MAGI2: variants seen among roughly 807,000 people sequenced by gnomAD.
MAGI2 encodes membrane-associated guanylate kinase, WW and PDZ domain-containing protein 2.
In MAGI2, 35 loss-of-function variants were observed where a neutral mutation model predicts 133.3. The observed-to-expected ratio is 0.26, with a 90% CI of 0.20 to 0.35. The LOEUF is 0.35. Ranked by LOEUF, MAGI2 falls within the 10% of genes least tolerant of loss-of-function variation. MAGI2 has a pLI of 1.00. For missense variants in MAGI2, 1,636 were observed against 1,863.4 expected (o/e 0.88, Z 2.25); for synonymous variants, 729 against 710.6 (o/e 1.03, Z -0.41).
At chr7:78,247,695 G>A (rs182242293) in intron 10 of MAGI2, among the ~76,000 whole-genome samples, 109 of 152,212 alleles carry the variant, frequency 7.2e-4, no homozygotes, top group African/African-American at 2.6e-3. Flanking sequence ...ACTAGATTAA[G>A]CAGAAGAAAG....
At chr7:78,210,369 T>C (rs1367503602) in intron 10 of MAGI2, among the ~76,000 whole-genome samples, 1 of 151,942 alleles carries the variant, frequency 6.6e-6, no homozygotes, top group African/African-American at 2.4e-5. Flanking sequence ...GTCCCGGAGA[T>C]TTGCTGGGGA....
chr7:79,097,982 C>T (rs1440009358), intron 1 of MAGI2, among the ~76,000 whole-genome samples: 2 of 152,072 alleles, frequency 1.3e-5, no homozygotes. Context: ...CTTAGCCGGA[C>T]ATGGTGGCAC....
At chr7:78,671,585 G>A (rs79188679) in intron 2 of MAGI2, among the ~76,000 whole-genome samples, 1,774 of 152,160 alleles carry the variant, frequency 0.012, 42 homozygotes, top group African/African-American at 0.04. Context: ...GTAAAGCAGG[G>A]AATGTATAAA....
intron 6 of MAGI2, among the ~76,000 whole-genome samples, chr7:78,373,922 C>A (rs1794187238): frequency 6.6e-6 from 1 of 152,148 alleles, no homozygotes; most frequent in African/African-American, 2.4e-5. Flanking sequence ...CTGCAAAGGA[C>A]ATGATTTTGT....
At chr7:78,155,302 G>A (rs1375899360) in intron 16 of MAGI2, among the ~76,000 whole-genome samples, 3 of 152,142 alleles carry the variant, frequency 2.0e-5, no homozygotes, top group South Asian at 2.1e-4. Flanking sequence ...ATGCTTCCCT[G>A]TTCTCACTGG....
intron 9 of MAGI2, among the ~76,000 whole-genome samples, chr7:78,336,178 C>A (rs960666031): frequency 1.3e-5 from 2 of 152,052 alleles, no homozygotes; most frequent in African/African-American, 4.8e-5. Context: ...ATTTACCATG[C>A]ACATGTACTG....
chr7:79,260,446 CAAT>C (rs1833999830), intron 1 of MAGI2, among the ~76,000 whole-genome samples: 1 of 152,108 alleles, frequency 6.6e-6, no homozygotes, highest in African/African-American at 2.4e-5. Context: ...ACTTTATCTT[CAAT>C]AATAAGTAGG....
At chr7:78,070,153 A>G in intron 21 of MAGI2, among the ~76,000 whole-genome samples, 2 of 126,226 alleles carry the variant, frequency 1.6e-5, no homozygotes, top group Non-Finnish European at 1.6e-5. Context: ...ATATATACAC[A>G]CATATATATA....
At chr7:78,459,773 C>G (rs1789762832) in intron 6 of MAGI2, among the ~76,000 whole-genome samples, 1 of 152,204 alleles carries the variant, frequency 6.6e-6, no homozygotes, top group African/African-American at 2.4e-5. Context: ...TCAGTGTCTT[C>G]AAATTCCTTA....
At chr7:78,742,671 C>G (rs1464020659) in intron 2 of MAGI2, among the ~76,000 whole-genome samples, 4 of 152,204 alleles carry the variant, frequency 2.6e-5, no homozygotes, top group African/African-American at 9.6e-5. Context: ...AATCCCCTAT[C>G]TCAAATGTTC....
chr7:78,423,655 A>T (rs567137932), intron 6 of MAGI2, among the ~76,000 whole-genome samples: 2 of 152,180 alleles, frequency 1.3e-5, no homozygotes, highest in Non-Finnish European at 2.9e-5. Flanking sequence ...AATGACAGGG[A>T]CAATAAGGTC....
chr7:78,885,170 G>C (rs77671102), intron 2 of MAGI2, among the ~76,000 whole-genome samples: 2,646 of 152,166 alleles, frequency 0.017, 76 homozygotes, highest in African/African-American at 0.061. Context: ...GCATAGGAGA[G>C]GGGAACAGGG....
chr7:78,036,860 C>G (rs1243090036), intron 21 of MAGI2, among the ~76,000 whole-genome samples: 1 of 152,232 alleles, frequency 6.6e-6, no homozygotes, highest in Non-Finnish European at 1.5e-5. Context: ...GCAATCCACC[C>G]TCTTTGGCCT....
At chr7:79,293,042 G>T (rs868770576) in intron 1 of MAGI2, among the ~76,000 whole-genome samples, 4 of 152,140 alleles carry the variant, frequency 2.6e-5, no homozygotes, top group African/African-American at 9.7e-5. Context: ...CTGTGGGTCA[G>T]TATGTACTAT....
intron 18 of MAGI2, among the ~76,000 whole-genome samples, chr7:78,130,081 G>A (rs920301978): frequency 2.6e-5 from 4 of 152,082 alleles, no homozygotes; most frequent in African/African-American, 9.7e-5. Context: ...GCTAGAGAAG[G>A]TGAACTCTGC....
intron 2 of MAGI2, among the ~76,000 whole-genome samples, chr7:78,860,569 G>C (rs534013712): frequency 6.6e-6 from 1 of 152,294 alleles, no homozygotes; most frequent in African/African-American, 2.4e-5. Context: ...AAATATTGCA[G>C]AACGGCAGAT....
At chr7:79,119,631 A>T (rs924091155) in intron 1 of MAGI2, among the ~76,000 whole-genome samples, 2 of 152,114 alleles carry the variant, frequency 1.3e-5, no homozygotes, top group Non-Finnish European at 2.9e-5. Flanking sequence ...CTCCATATAA[A>T]GGAGGAGATG....
intron 2 of MAGI2, among the ~76,000 whole-genome samples, chr7:78,808,085 C>T (rs1213962768): frequency 6.6e-6 from 1 of 151,950 alleles, no homozygotes; most frequent in Non-Finnish European, 1.5e-5. Context: ...ATGAAAAACA[C>T]CCACAAAATA....
At chr7:78,059,731 T>C (rs11508506) in intron 21 of MAGI2, among the ~76,000 whole-genome samples, 30,741 of 151,422 alleles carry the variant, frequency 0.2, 3,422 homozygotes, top group Middle Eastern at 0.27. Flanking sequence ...TTTAGTGAGA[T>C]GGAGAGCTCC....
Sources: gnomAD v4.1 joint callset for allele counts (sites outside exome capture counted in the v4.1 genomes callset) on GRCh38, gnomAD v4.1.1 for gene constraint, MANE v1.5 for transcripts, NCBI Gene and HGNC (gene_info 2026-07-23, HGNC 2026-07-21) for gene names.